The following MYO1B variants were observed in gnomAD, a reference collection of about 807,000 sequenced individuals.
MYO1B encodes myosin IB.
Under a neutral mutation model 159.7 loss-of-function variants are expected in MYO1B, and 72 were observed. The observed-to-expected ratio is 0.45, with a 90% CI of 0.37 to 0.55. The LOEUF (loss-of-function observed/expected upper bound fraction) is 0.55. Ranked by LOEUF, MYO1B falls within the 20% of genes least tolerant of loss-of-function variation. The probability of loss-of-function intolerance (pLI) is 0.00; values close to 1 mark genes in which losing one functional copy is unlikely to be tolerated. For missense variants in MYO1B, 1,062 were observed against 1,364.8 expected, an observed-to-expected ratio of 0.78 and a Z score of 3.50; for synonymous variants, 468 against 473.8, an observed-to-expected ratio of 0.99 and a Z score of 0.16.
intron 8 of MYO1B, among the ~76,000 whole-genome samples, chr2:191,361,137 C>G (rs1258458965): frequency 1.3e-5 from 2 of 152,120 alleles, no homozygotes; most frequent in Non-Finnish European, 2.9e-5. Context: ...GCAGATGATT[C>G]AGTCAACTCA....
At position 191,416,258 on chromosome 2, in the gene MYO1B, G is replaced by A. The variant is rs1697555996; in HGVS notation, c.3287+16G>A. 6.2e-7 allele frequency: 1 copy of A among 1,613,622 alleles called. No individual in the cohort carries two copies. Among genetic ancestry groups the A allele is most frequent in the East Asian group, 2.2e-5 (1 of 44,848 alleles). ...TTTCCGATGAGTACGTTCATGTATT[G>A]TTTGAAAACCCTTTTTCTCTTTCAG... On this transcript the variant is annotated intron_variant, in intron 30 of 30. Coordinates refer to ENST00000392318, the MANE Select transcript of MYO1B (RefSeq NM_001130158.3).
chr2:191,402,817 GC>G, intron 24 of MYO1B, 99 bp downstream of exon 24: 1 of 882,434 alleles, frequency 1.1e-6, no homozygotes, highest in Non-Finnish European at 1.7e-6. Context: ...CTGATGGTCT[GC>G]ACAGTCTTGT....
chr2:191,388,482 A>G (rs1695536587), intron 17 of MYO1B, among the ~76,000 whole-genome samples: 1 of 152,168 alleles, frequency 6.6e-6, no homozygotes, highest in African/African-American at 2.4e-5. Context: ...AGTACCTTCT[A>G]TAGTTGTCTT....
At chr2:191,398,258 C>T (rs1696299945) in intron 21 of MYO1B, among the ~76,000 whole-genome samples, 2 of 64,946 alleles carry the variant, frequency 3.1e-5, no homozygotes, top group Admixed American at 1.3e-4. Context: ...ACCCCCCCTC[C>T]CCCCTCCCGG....
At chr2:191,263,780 C>T (rs953252529) in intron 1 of MYO1B, 2 of 152,116 alleles carry the variant, frequency 1.3e-5, no homozygotes, top group Non-Finnish European at 2.9e-5. Flanking sequence ...GGGGTGTTGT[C>T]AGTATGTCTC....
At chr2:191,295,067 GTTTC>G (rs1225920151) in intron 2 of MYO1B, among the ~76,000 whole-genome samples, 4 of 151,942 alleles carry the variant, frequency 2.6e-5, no homozygotes, top group Non-Finnish European at 4.4e-5. Context: ...TTTTCCCCTT[GTTTC>G]TTTCTTTCCT....
rs1356383883 is a variant in MYO1B at position 191,422,929 on chromosome 2, AT to A, written c.3288-907del. 2.0e-5 allele frequency among the ~76,000 whole-genome samples: 3 copies of A among 152,346 alleles called. No homozygotes were observed. The East Asian group carries it at 5.8e-4, about 29-fold the overall frequency. ...CTTAGCCTTTCTACCTTACTAGAATATGATGAGTTAATGAACTTTAGTTTTC... is the reference window on the plus strand; with the variant it reads ...CTTAGCCTTTCTACCTTACTAGAATAGATGAGTTAATGAACTTTAGTTTTC... On this transcript the variant is annotated intron_variant, in intron 30 of 30. Coordinates refer to ENST00000392318, the MANE Select transcript of MYO1B (RefSeq NM_001130158.3).
chr2:191,399,484 G>T (rs1696471907), intron 21 of MYO1B, among the ~76,000 whole-genome samples: 1 of 152,230 alleles, frequency 6.6e-6, no homozygotes, highest in Admixed American at 6.5e-5. Flanking sequence ...GACCTTCAGA[G>T]CCAAAAGCAG....
At chr2:191,247,002 C>T (rs548833631) in intron 1 of MYO1B, among the ~76,000 whole-genome samples, 71 of 152,230 alleles carry the variant, frequency 4.7e-4, no homozygotes, top group African/African-American at 1.7e-3. Flanking sequence ...AGATTGGAAT[C>T]GAGACTCGCC....
In MYO1B at chr2:191,386,004, A is replaced by G; in HGVS notation, c.1474A>G (p.Arg492Gly). Reference protein sequence around the residue: ...VCATHQHFESRMSKCSRFLND... With the variant: ...VCATHQHFESGMSKCSRFLND... Reference sequence around the variant, plus strand: ...TGCCACCCACCAGCATTTTGAGAGCAGGATGAGCAAGTGCTCTCGGTTCCT... The same window carrying G: ...TGCCACCCACCAGCATTTTGAGAGCGGGATGAGCAAGTGCTCTCGGTTCCT... Residue 492 changes from arginine to glycine, a missense_variant, in exon 16 of 31, where the codon AGG becomes GGG. Physicochemically the swap from Arg to Gly is moderately radical, Grantham distance 125. This residue lies in a region of MYO1B where 26 missense variants were observed against 26.9 expected (regional missense o/e 0.97). Transcript: ENST00000392318. 1.2e-6 allele frequency: 2 copies of G among 1,614,158 alleles called. No individual in the cohort carries two copies. The highest frequency in any genetic ancestry group is 1.7e-6 in the Non-Finnish European group (2 of 1,179,996).
chr2:191,305,207 C>G (rs1689577101), intron 3 of MYO1B, among the ~76,000 whole-genome samples: 1 of 152,282 alleles, frequency 6.6e-6, no homozygotes, highest in Non-Finnish European at 1.5e-5. Flanking sequence ...AAATTGGAAT[C>G]TTTGCCACAA....
intron 3 of MYO1B, among the ~76,000 whole-genome samples, chr2:191,323,735 C>T (rs1004476143): frequency 5.9e-5 from 9 of 152,070 alleles, no homozygotes; most frequent in African/African-American, 2.2e-4. Context: ...TTACTGTTGT[C>T]ATTCTAAAAC....
intron 4 of MYO1B, among the ~76,000 whole-genome samples, chr2:191,338,438 A>T (rs1407826827): frequency 2.0e-5 from 3 of 152,182 alleles, no homozygotes; most frequent in Admixed American, 1.3e-4. Context: ...ATGCCAGGAG[A>T]TATTATGGGT....
At chr2:191,340,340 AC>A (rs1428644298) in intron 4 of MYO1B, among the ~76,000 whole-genome samples, 15 of 152,146 alleles carry the variant, frequency 9.9e-5, no homozygotes, top group African/African-American at 3.6e-4. Flanking sequence ...CATCTGACTC[AC>A]TGTAGCTCCA....
In MYO1B at chr2:191,342,956, A is replaced by G. The variant is rs140834008; in HGVS notation, c.451+1391A>G. On this transcript the variant is annotated intron_variant, in intron 5 of 30. Transcript: ENST00000392318. ...AAGCATGTCTTTACTGTCACTTAAC[A>G]TATTTGTTATGGTGGAGTAAGGTTT... 3.0e-3 allele frequency among the ~76,000 whole-genome samples: 457 copies of G among 152,234 alleles called. 1 individual carries two copies. Among genetic ancestry groups the G allele is most frequent in the African/African-American group, 0.011 (437 of 41,528 alleles).
At chr2:191,305,581 A>C (rs1311794565) in intron 3 of MYO1B, among the ~76,000 whole-genome samples, 1 of 152,226 alleles carries the variant, frequency 6.6e-6, no homozygotes, top group Non-Finnish European at 1.5e-5. Flanking sequence ...AGGTGCTGGG[A>C]ATACAAAGAT....
At chr2:191,350,965 G>A (rs1353222879) in intron 7 of MYO1B, among the ~76,000 whole-genome samples, 1 of 152,092 alleles carries the variant, frequency 6.6e-6, no homozygotes, top group Non-Finnish European at 1.5e-5. Flanking sequence ...GGCACCCACA[G>A]CACAACCCTG....
At chr2:191,251,933 T>C (rs953584057) in intron 1 of MYO1B, among the ~76,000 whole-genome samples, 13 of 152,320 alleles carry the variant, frequency 8.5e-5, no homozygotes, top group Middle Eastern at 3.4e-3. Flanking sequence ...CTCTCCATCA[T>C]TGCTGCTTTG....
chr2:191,285,553 C>T (rs1574338535), intron 2 of MYO1B, among the ~76,000 whole-genome samples: 2 of 152,258 alleles, frequency 1.3e-5, no homozygotes, highest in East Asian at 3.9e-4. Flanking sequence ...TAGATTCTTT[C>T]CTCAAACTTT....
Sources: allele counts gnomAD v4.1 joint callset (sites outside exome capture counted in the v4.1 genomes callset), GRCh38; gene constraint gnomAD v4.1.1; regional missense constraint gnomAD v4.1.1; transcripts MANE v1.5; gene names NCBI Gene and HGNC (gene_info 2026-07-23, HGNC 2026-07-21).